Variants in SLCO4A1 observed in about 807,000 individuals in gnomAD.
The protein encoded by SLCO4A1 is colon organic anion transporter.
In SLCO4A1, 51 loss-of-function variants were observed where a neutral mutation model predicts 64.6. That is an observed-to-expected ratio of 0.79 (90% CI 0.63 to 1.00). The LOEUF is 1.00. Among genes scored for constraint, SLCO4A1 ranks in the 50% least tolerant of loss-of-function variants. The pLI is 0.00. For synonymous variants in SLCO4A1, 471 were observed against 444.9 expected (o/e 1.06, Z -0.74); for missense variants, 919 against 980.5 (o/e 0.94, Z 0.84).
chr20:62,665,765 AC>A (rs1986094274), intron 6 of SLCO4A1: 1 of 151,042 alleles, frequency 6.6e-6, no homozygotes, highest in Non-Finnish European at 1.5e-5. Flanking sequence ...GGTCAGCTCT[AC>A]TGCCCCTTGG....
At chr20:62,674,590 A>G (rs1987499487), downstream of SLCO4A1, among the ~76,000 whole-genome samples, 2 of 152,180 alleles carry the variant, frequency 1.3e-5, no homozygotes, top group South Asian at 4.1e-4. Flanking sequence ...TGACGATTCC[A>G]AGGGTCTGAG....
At position 62,657,188 on chromosome 20, in the gene SLCO4A1, A is replaced by G; in HGVS notation, c.734A>G (p.Tyr245Cys). ...CATGGCGTGGGTGCCACACCCCTCTACACGCTGGGCGTCACCTACCTGGAT... is the reference window on the plus strand; with the variant it reads ...CATGGCGTGGGTGCCACACCCCTCTGCACGCTGGGCGTCACCTACCTGGAT... ...FLHGVGATPL[Y>C]TLGVTYLDEN... The change falls in exon 2 of 12, where the codon TAC becomes TGC. Residue 245 changes from tyrosine to cysteine, a missense_variant. Transcript: ENST00000217159. 6.4e-7 allele frequency: 1 copy of G among 1,552,396 alleles called. No individual in the cohort carries two copies.
At chr20:62,673,873 GAA>G (rs1569152714), downstream of SLCO4A1, among the ~76,000 whole-genome samples, 1 of 152,216 alleles carries the variant, frequency 6.6e-6, no homozygotes, top group East Asian at 1.9e-4. Context: ...CGTGTGCTGC[GAA>G]AAGTCACTAA....
intron 3 of SLCO4A1, among the ~76,000 whole-genome samples, chr20:62,659,361 C>T (rs1457301086): frequency 6.6e-6 from 1 of 152,192 alleles, no homozygotes; most frequent in Non-Finnish European, 1.5e-5. Flanking sequence ...GCCCATCCTG[C>T]ACTTGTGAAG....
At chr20:62,668,244 G>C in intron 9 of SLCO4A1, 60 bp downstream of exon 9, 2 of 1,582,468 alleles carry the variant, frequency 1.3e-6, no homozygotes, top group Non-Finnish European at 1.7e-6. Context: ...CTGAGGCGGA[G>C]CTCTGCAGAT....
At chr20:62,646,990 C>T (rs536381725) in intron 1 of SLCO4A1, among the ~76,000 whole-genome samples, 1 of 152,374 alleles carries the variant, frequency 6.6e-6, no homozygotes, top group South Asian at 2.1e-4. Context: ...CCTGCTGCCG[C>T]ACCCTGGCTC....
intron 2 of SLCO4A1, 60 bp from the exon 3 acceptor site, chr20:62,658,617 C>A (rs1470950258): frequency 4.3e-6 from 6 of 1,387,392 alleles, no homozygotes; most frequent in Non-Finnish European, 6.0e-6. Flanking sequence ...GGGCCCCACA[C>A]GGCCCTCCGC....
chr20:62,672,859 GC>G (rs1448630796), downstream of SLCO4A1, among the ~76,000 whole-genome samples: 2 of 152,146 alleles, frequency 1.3e-5, no homozygotes, highest in Admixed American at 1.3e-4. Flanking sequence ...GAGCCCTGCA[GC>G]CCCAGGGCCT....
chr20:62,674,505 G>A (rs1987494487), downstream of SLCO4A1, among the ~76,000 whole-genome samples: 1 of 152,224 alleles, frequency 6.6e-6, no homozygotes, highest in African/African-American at 2.4e-5. Flanking sequence ...GAGGGAGGCG[G>A]CACACGCGGT....
downstream of SLCO4A1, among the ~76,000 whole-genome samples, chr20:62,673,769 GACGACACCCT>G (rs1363321690): frequency 5.8e-5 from 6 of 103,028 alleles, no homozygotes; most frequent in African/African-American, 5.8e-5. Flanking sequence ...ACCAAGAGGG[GACGACACCCT>G]GTAGCACCTG....
chr20:62,677,286 A>G (rs1987639140), downstream of SLCO4A1, among the ~76,000 whole-genome samples: 1 of 152,244 alleles, frequency 6.6e-6, no homozygotes, highest in African/African-American at 2.4e-5. Flanking sequence ...ATATTTGGGG[A>G]TGTGACTTAT....
At chr20:62,643,712 T>C (rs4239643) in intron 1 of SLCO4A1, among the ~76,000 whole-genome samples, 142,796 of 152,326 alleles carry the variant, frequency 0.94, 67,604 homozygotes, top group East Asian at 1. Context: ...CGGGAGCAAA[T>C]GGATCTCAGA....
chr20:62,685,447 G>A lies in SLCO4A1; in HGVS notation n.218G>A, dbSNP rs1292039705. ...TTGTTGTTTTTTTCTTAAGGAAGAA[G>A]AGAATGAATTTAGAAGGCTGTAAAC... is the stretch of plus-strand genomic sequence containing the variant. On this transcript the variant is annotated non_coding_transcript_exon_variant, in exon 3 of 3. Transcript: ENST00000466818. This position sits in a 1 kb window ranked among gnomAD's most constrained non-coding sequence, Gnocchi z 4.6. 1.0e-6 allele frequency: 1 copy of A among 985,172 alleles called. No homozygotes were observed. The highest frequency in any genetic ancestry group is 1.2e-6 in the Non-Finnish European group (1 of 829,770). The allele number at this position is 985,172 out of a possible 1,614,324, so 61.0% of individuals were successfully genotyped here. A position where few individuals can be genotyped will look rare whatever the true frequency, so the allele number is the denominator to read the frequency against.
In SLCO4A1 at chr20:62,685,419, T is replaced by C; in HGVS notation, n.212-22T>C. 13 of 984,688 alleles carry C rather than the reference T, an allele frequency of 1.3e-5. No homozygotes were observed. Among genetic ancestry groups the C allele is most frequent in the African/African-American group, 1.7e-5 (1 of 57,364 alleles). 61.0% of individuals were successfully genotyped at this position (984,688 alleles called of 1,614,324 possible). ...GACCAAGCGGGCTGTTTTCTTGCTT[T>C]GTTTGTTGTTTTTTTCTTAAGGAAG... On this transcript the variant is annotated intron_variant and non_coding_transcript_variant, in intron 2 of 2. Transcript: ENST00000466818. The surrounding 1 kb of genome is among the most constrained non-coding windows in gnomAD (Gnocchi z 4.6).
chr20:62,674,098 G>C (rs114944840), downstream of SLCO4A1, among the ~76,000 whole-genome samples: 2 of 152,196 alleles, frequency 1.3e-5, no homozygotes, highest in Non-Finnish European at 2.9e-5. Flanking sequence ...AGAGTCCCAC[G>C]AGACCATTTC....
chr20:62,656,021 G>A (rs549219987), intron 1 of SLCO4A1, among the ~76,000 whole-genome samples: 31 of 152,338 alleles, frequency 2.0e-4, no homozygotes, highest in African/African-American at 7.2e-4. Flanking sequence ...TCTCCACCGC[G>A]TGGCCCCATC....
intron 2 of SLCO4A1, 130 bp from the exon 3 acceptor site, chr20:62,658,547 C>A (rs1601637134): frequency 2.9e-6 from 2 of 679,280 alleles, no homozygotes; most frequent in East Asian, 5.5e-5. Flanking sequence ...CTTAAAGAGG[C>A]CCATGAGGGG....
chr20:62,672,911 C>T (rs896539341), downstream of SLCO4A1, among the ~76,000 whole-genome samples: 1 of 102,910 alleles, frequency 9.7e-6, no homozygotes, highest in Non-Finnish European at 2.5e-5. Context: ...TCAGAACCCC[C>T]GGGTGGTCCC....
chr20:62,666,559 G>T lies in SLCO4A1; in HGVS notation c.1456G>T (p.Ala486Ser), dbSNP rs768038980. Residue 486 changes from alanine to serine, a missense_variant, in exon 7 of 12, where the codon GCC (alanine) becomes TCC (serine). Ala to Ser is a moderately conservative substitution (Grantham distance 99). Transcript: ENST00000217159. ...CAGTGTGCCCATGGCGGGCGTCACAGCCAGCTACGGCGGGAGGTGAGGGCC... is the reference window on the plus strand; with the variant it reads ...CAGTGTGCCCATGGCGGGCGTCACATCCAGCTACGGCGGGAGGTGAGGGCC... ...CPSVPMAGVTASYGGSLLPEG... is the reference protein window; with the variant it reads ...CPSVPMAGVTSSYGGSLLPEG... The T allele has an allele frequency of 6.2e-7, 1 of 1,612,468 alleles. No individual in the cohort carries two copies. Among genetic ancestry groups the T allele is most frequent in the Non-Finnish European group, 8.5e-7 (1 of 1,179,892 alleles).
Sources: gnomAD v4.1 joint callset for allele counts (sites outside exome capture counted in the v4.1 genomes callset) on GRCh38, gnomAD v4.1.1 for gene constraint, Gnocchi (gnomAD v3.1) non-coding constraint, MANE v1.5 for transcripts, NCBI Gene and HGNC (gene_info 2026-07-23, HGNC 2026-07-21) for gene names.